Variants in HK1 observed in about 807,000 individuals in gnomAD.
HK1 encodes the protein hexokinase 1.
In HK1, 28 loss-of-function variants were observed where a neutral mutation model predicts 91.6. That is an observed-to-expected ratio of 0.31 (90% confidence interval 0.23 to 0.42). The LOEUF (loss-of-function observed/expected upper bound fraction) is 0.42. Among genes scored for constraint, HK1 ranks in the 10% least tolerant of loss-of-function variants. HK1 has a pLI of 1.00. For missense variants in HK1, 770 were observed against 1,219.8 expected (o/e 0.63, Z 5.49); for synonymous variants, 430 against 468.1 (o/e 0.92, Z 1.05).
intron 5 of HK1, among the ~76,000 whole-genome samples, chr10:69,304,724 C>A (rs1846029688): frequency 6.6e-6 from 1 of 152,222 alleles, no homozygotes; most frequent in African/African-American, 2.4e-5. Context: ...TAGGTCAGAT[C>A]TTTCACTGTC....
chr10:69,368,460 C>A, intron 4 of HK1, 76 bp from the exon 5 acceptor site: 1 of 1,293,802 alleles, frequency 7.7e-7, no homozygotes, highest in Non-Finnish European at 1.1e-6. Flanking sequence ...CATCCCTGTC[C>A]TGGAGCAATG....
At chr10:69,301,355 C>T in intron 5 of HK1, among the ~76,000 whole-genome samples, 1 of 150,890 alleles carries the variant, frequency 6.6e-6, no homozygotes. Context: ...GAGTGGGTCA[C>T]CTGAGGTCAG....
At chr10:69,387,197 C>A (rs1458581830) in intron 13 of HK1, among the ~76,000 whole-genome samples, 5 of 152,202 alleles carry the variant, frequency 3.3e-5, no homozygotes, top group African/African-American at 9.6e-5. Flanking sequence ...AATATCCAAT[C>A]CAGAGCAAAG....
chr10:69,392,026 C>A lies in HK1; in HGVS notation c.2036-99C>A, dbSNP rs569693839. ...TACTTTGTTCATCACAAAAAACGTG[C>A]CCCCTGCCTGTGGAACCTCAGGCCC... On this transcript the variant is annotated intron_variant, in intron 14 of 17. Coordinates refer to ENST00000359426, the MANE Select transcript of HK1 (RefSeq NM_000188.3). The A allele has an allele frequency of 6.1e-6, 7 of 1,146,944 alleles. No individual in the cohort carries two copies. In the East Asian group the frequency reaches 7.1e-5, roughly 12 times the overall value. The allele number at this position is 1,146,944 out of a possible 1,614,324, so 71.0% of individuals were successfully genotyped here. A position where few individuals can be genotyped will look rare whatever the true frequency, so the allele number is the denominator to read the frequency against.
At chr10:69,312,263 G>A (rs1846412263), upstream of HK1, among the ~76,000 whole-genome samples, 1 of 152,180 alleles carries the variant, frequency 6.6e-6, no homozygotes, top group East Asian at 1.9e-4. Flanking sequence ...CTGAGACAGA[G>A]GCTCACTCTG....
chr10:69,380,855 T>C lies in HK1; in HGVS notation c.1265+760T>C, dbSNP rs1839353223. Among the ~76,000 whole-genome samples, 1 of 152,172 alleles carries C rather than the reference T, an allele frequency of 6.6e-6. No individual in the cohort carries two copies. Among genetic ancestry groups the C allele is most frequent in the Non-Finnish European group, 1.5e-5 (1 of 68,032 alleles). Reference sequence around the variant, plus strand: ...AAATTCTAAGTCATTATTTAATAAGTTTTAATGCTAGCCTGTGACATGATT... The same window carrying C: ...AAATTCTAAGTCATTATTTAATAAGCTTTAATGCTAGCCTGTGACATGATT... On this transcript the variant is annotated intron_variant, in intron 9 of 17. Transcript: ENST00000359426. This position sits in a 1 kb window ranked among gnomAD's most constrained non-coding sequence, Gnocchi z 4.0.
intron 14 of HK1, among the ~76,000 whole-genome samples, chr10:69,389,830 G>A (rs1424718950): frequency 6.6e-6 from 1 of 152,198 alleles, no homozygotes; most frequent in Non-Finnish European, 1.5e-5. Flanking sequence ...GAAGGGGGTT[G>A]CAGAGGGGTT....
rs758694452 is a variant in HK1 at position 69,395,119 on chromosome 10, G to A, written c.2375+14G>A. 3 of 1,612,890 alleles carry A rather than the reference G, an allele frequency of 1.9e-6. No individual in the cohort carries two copies. In the South Asian group the frequency reaches 3.3e-5, roughly 18 times the overall value. ...TCAGATCGAGAGGTGAGTGGGCAGT[G>A]TCTTCCCTGCCAGCGCCCACCCTTC... On this transcript the variant is annotated intron_variant, in intron 16 of 17. Transcript: ENST00000359426.
At chr10:69,399,219 A>G (rs1377011165) in intron 17 of HK1, among the ~76,000 whole-genome samples, 1 of 152,090 alleles carries the variant, frequency 6.6e-6, no homozygotes, top group Non-Finnish European at 1.5e-5. Context: ...GGATATTAAG[A>G]AAGGGGAGGA....
intron 2 of HK1, among the ~76,000 whole-genome samples, chr10:69,348,832 C>A (rs1351735701): frequency 3.3e-5 from 5 of 151,880 alleles, no homozygotes; most frequent in Admixed American, 2.0e-4. Flanking sequence ...AGAATCAATT[C>A]ATTGAGCTGG....
upstream of HK1, among the ~76,000 whole-genome samples, chr10:69,314,568 T>G (rs964417888): frequency 6.6e-6 from 1 of 152,230 alleles, no homozygotes. Context: ...CTTAACAAAC[T>G]CTATAGGGCT....
intron 1 of HK1, among the ~76,000 whole-genome samples, chr10:69,333,391 C>T (rs1250219126): frequency 1.3e-5 from 2 of 152,234 alleles, no homozygotes; most frequent in African/African-American, 4.8e-5. Context: ...CTAAGCCATC[C>T]ACCAGGAGGC....
At position 69,343,987 on chromosome 10, in the gene HK1, C is replaced by G. The variant is rs778627117; in HGVS notation, c.224C>G (p.Ser75Cys). The change falls in exon 2 of 18, where the codon TCT (serine) becomes TGT (cysteine). Residue 75 changes from serine to cysteine, a missense_variant and splice_region_variant. Physicochemically the swap from Ser to Cys is moderately radical, Grantham distance 112. This residue lies in a region of HK1 where 449 missense variants were observed against 665.1 expected (regional missense o/e 0.68). Transcript: ENST00000359426. Reference protein sequence around the residue: ...PTFVRSIPDGSEKGDFIALDL... With the variant: ...PTFVRSIPDGCEKGDFIALDL... ...TTCGTAAGGTCCATTCCTGATGGCT[C>G]TGGTAAGTCTGTCACCCAGAGATTG... is the stretch of plus-strand genomic sequence containing the variant. The G allele has an allele frequency of 1.2e-6, 2 of 1,614,128 alleles. No homozygotes were observed. Among genetic ancestry groups the G allele is most frequent in the Non-Finnish European group, 1.7e-6 (2 of 1,179,962 alleles).
intron 2 of HK1, among the ~76,000 whole-genome samples, chr10:69,351,957 G>A (rs1192228273): frequency 6.6e-6 from 1 of 151,930 alleles, no homozygotes; most frequent in East Asian, 1.9e-4. Flanking sequence ...CCTGCGAGGA[G>A]CTACTTCATA....
At chr10:69,317,128 G>A (rs1217764990), upstream of HK1, among the ~76,000 whole-genome samples, 1 of 152,166 alleles carries the variant, frequency 6.6e-6, no homozygotes, top group Non-Finnish European at 1.5e-5. Flanking sequence ...GCCCTCCCAG[G>A]GCCTAGAAGG....
At chr10:69,362,374 G>T (rs1849471588) in intron 3 of HK1, among the ~76,000 whole-genome samples, 2 of 151,750 alleles carry the variant, frequency 1.3e-5, no homozygotes, top group Non-Finnish European at 2.9e-5. Flanking sequence ...ACTATGCCTG[G>T]CCATAGTGTG....
At chr10:69,286,872 C>T (rs1564753634) in intron 2 of HK1, among the ~76,000 whole-genome samples, 1 of 152,118 alleles carries the variant, frequency 6.6e-6, no homozygotes, top group Non-Finnish European at 1.5e-5. Flanking sequence ...TTGCTTTGAA[C>T]TAGGGGAACC....
In HK1 at chr10:69,342,162, A is replaced by AAACAAACAAAC. The variant is rs1564526266; in HGVS notation, c.64-1663_64-1662insCAAACAAACAA. Among the ~76,000 whole-genome samples, 26 of 140,904 alleles carry AAACAAACAAAC rather than the reference A, an allele frequency of 1.8e-4. 1 individual carries two copies. The highest frequency in any genetic ancestry group is 5.4e-5 in the African/African-American group (2 of 36,952). The allele number at this position is 140,904 out of a possible 152,430, so 92.4% of individuals were successfully genotyped here. ...GACTATGAAAAAAAAACCAACCCCA[A>AAACAAACAAAC]AAACAAACAAACAAACAAACAAACA... On this transcript the variant is annotated intron_variant, in intron 1 of 17. Transcript: ENST00000359426.
chr10:69,277,981 C>A (rs1443056800), intron 1 of HK1, among the ~76,000 whole-genome samples: 1 of 151,536 alleles, frequency 6.6e-6, no homozygotes, highest in Non-Finnish European at 1.5e-5. Flanking sequence ...TGCAGTGAGC[C>A]GAGATTGTGC....
Sources: gnomAD v4.1 joint callset for allele counts (sites outside exome capture counted in the v4.1 genomes callset) on GRCh38, gnomAD v4.1.1 for gene constraint, gnomAD v4.1.1 regional missense constraint, Gnocchi (gnomAD v3.1) non-coding constraint, MANE v1.5 for transcripts, NCBI Gene and HGNC (gene_info 2026-07-23, HGNC 2026-07-21) for gene names.